Variants in EML6 observed in about 807,000 individuals in gnomAD.
The protein encoded by EML6 is EMAP like 6.
Under a neutral mutation model 240.1 loss-of-function variants are expected in EML6, and 154 were observed. That is an observed-to-expected ratio of 0.64 (90% CI 0.56 to 0.73). The LOEUF (loss-of-function observed/expected upper bound fraction) is 0.73, where lower values mean the gene tolerates loss of function less well. Ranked by LOEUF, EML6 falls within the 30% of genes least tolerant of loss-of-function variation. EML6 has a pLI of 0.00. For synonymous variants in EML6, 1,148 were observed against 899.0 expected, an observed-to-expected ratio of 1.28 and a Z score of -4.95; for missense variants, 2,964 against 2,474.6, an observed-to-expected ratio of 1.20 and a Z score of -4.20.
At chr2:54,925,019 G>T (rs1455320309) in intron 26 of EML6, among the ~76,000 whole-genome samples, 1 of 152,156 alleles carries the variant, frequency 6.6e-6, no homozygotes. Flanking sequence ...TTGAATGGTT[G>T]TGTCTTCCCA....
In EML6 at chr2:54,829,450, C is replaced by G. The variant is rs765982229; in HGVS notation, c.820C>G (p.Leu274Val). 7 of 1,551,646 alleles carry G rather than the reference C, an allele frequency of 4.5e-6. No individual in the cohort carries two copies. Among genetic ancestry groups the G allele is most frequent in the Non-Finnish European group, 6.1e-6 (7 of 1,146,656 alleles). The stretch of plus-strand genomic sequence containing the variant: ...TTTCAAACCAATAACCAAAATTGAT[C>G]TCAGGGAGACAGAACAAGGATACAA... Reference protein sequence around the residue: ...TDFKPITKIDLRETEQGYKGL... With the variant: ...TDFKPITKIDVRETEQGYKGL... Residue 274 changes from leucine (L) to valine (V), a missense_variant, in exon 7 of 42, where the codon CTC becomes GTC. Transcript: ENST00000356458.
intron 14 of EML6, chr2:54,868,197 A>C (rs979094734): frequency 6.6e-6 from 1 of 152,186 alleles, no homozygotes; most frequent in Non-Finnish European, 1.5e-5. Context: ...TATGGCAACA[A>C]ATTTTTAATT....
At chr2:54,799,353 G>A (rs148337016) in intron 2 of EML6, among the ~76,000 whole-genome samples, 2,986 of 151,874 alleles carry the variant, frequency 0.02, 63 homozygotes, top group Admixed American at 0.069. Flanking sequence ...GAGCCACCAC[G>A]CCCAGCCTTT....
At chr2:54,794,248 A>G (rs1314043227) in intron 2 of EML6, among the ~76,000 whole-genome samples, 2 of 152,180 alleles carry the variant, frequency 1.3e-5, no homozygotes, top group Non-Finnish European at 2.9e-5. Flanking sequence ...GGACTGTGCC[A>G]TTACACTCAG....
chr2:54,915,854 A>C (rs189271290), intron 25 of EML6, among the ~76,000 whole-genome samples: 315 of 152,320 alleles, frequency 2.1e-3, no homozygotes, highest in African/African-American at 7.1e-3. Flanking sequence ...TGCTTTCTCT[A>C]AAGAAACTGG....
intron 28 of EML6, among the ~76,000 whole-genome samples, chr2:54,940,879 C>T (rs1675394687): frequency 6.6e-6 from 1 of 152,206 alleles, no homozygotes; most frequent in African/African-American, 2.4e-5. Flanking sequence ...CAAAAGGAAT[C>T]AAGAAGATTC....
intron 26 of EML6, among the ~76,000 whole-genome samples, chr2:54,917,821 A>G (rs1352694750): frequency 6.6e-6 from 1 of 151,946 alleles, no homozygotes; most frequent in Non-Finnish European, 1.5e-5. Context: ...CCCATATTCG[A>G]TGGCTTACAG....
chr2:54,839,232 G>A (rs371923850), intron 7 of EML6, among the ~76,000 whole-genome samples: 1 of 152,198 alleles, frequency 6.6e-6, no homozygotes, highest in Non-Finnish European at 1.5e-5. Context: ...AGACTGTGTG[G>A]TTCTCTTTAC....
intron 7 of EML6, among the ~76,000 whole-genome samples, chr2:54,832,749 C>G (rs1229382978): frequency 1.3e-5 from 2 of 151,616 alleles, no homozygotes; most frequent in South Asian, 2.1e-4. Context: ...CCCACCCCCC[C>G]GCCAACCCCT....
At chr2:54,834,746 A>G (rs1446380512) in intron 7 of EML6, among the ~76,000 whole-genome samples, 1 of 152,232 alleles carries the variant, frequency 6.6e-6, no homozygotes, top group African/African-American at 2.4e-5. Context: ...TTAGAGGCCA[A>G]AGTTCCAGGA....
chr2:54,798,266 G>A (rs572625627), intron 2 of EML6, among the ~76,000 whole-genome samples: 4 of 152,182 alleles, frequency 2.6e-5, no homozygotes, highest in African/African-American at 7.2e-5. Context: ...TCTGCCTCCC[G>A]GGTTCAAGTG....
rs1022376009 is a variant in EML6 at position 54,954,597 on chromosome 2, C to T, written c.4486+441C>T. Among the ~76,000 whole-genome samples the T allele has an allele frequency of 2.7e-5, 4 of 147,924 alleles. No individual in the cohort carries two copies. In the East Asian group the frequency reaches 5.8e-4, roughly 21 times the overall value. On this transcript the variant is annotated intron_variant, in intron 32 of 41. Coordinates refer to ENST00000356458, the MANE Select transcript of EML6 (RefSeq NM_001039753.4). ...TCATGTTTTATCATAGTCTCAGAAA[C>T]ATTTAAATTTTTTTTTTAACATTTT...
At chr2:54,769,749 A>G (rs1256537163) in intron 2 of EML6, among the ~76,000 whole-genome samples, 1 of 152,218 alleles carries the variant, frequency 6.6e-6, no homozygotes, top group South Asian at 2.1e-4. Context: ...AACATTTCAC[A>G]TAAGATCTCT....
At chr2:54,818,643 T>A (rs1293773274) in intron 4 of EML6, among the ~76,000 whole-genome samples, 1 of 152,220 alleles carries the variant, frequency 6.6e-6, no homozygotes, top group Non-Finnish European at 1.5e-5. Context: ...ATTGAACACC[T>A]CTGGATATCA....
chr2:54,900,632 G>A (rs1673006326), intron 22 of EML6, among the ~76,000 whole-genome samples: 1 of 152,184 alleles, frequency 6.6e-6, no homozygotes, highest in Non-Finnish European at 1.5e-5. Context: ...CCCTGCGGGA[G>A]GCAGCCAGGG....
chr2:54,888,213 TATA>T (rs1478482919), intron 17 of EML6, among the ~76,000 whole-genome samples: 2 of 152,146 alleles, frequency 1.3e-5, no homozygotes, highest in African/African-American at 2.4e-5. Context: ...GATTGGATCT[TATA>T]ATGCAGTGTG....
chr2:54,787,441 C>T (rs1356192233), intron 2 of EML6, among the ~76,000 whole-genome samples: 1 of 152,196 alleles, frequency 6.6e-6, no homozygotes, highest in Non-Finnish European at 1.5e-5. Flanking sequence ...TTGGCTCTGC[C>T]ACTTACCAGC....
intron 7 of EML6, among the ~76,000 whole-genome samples, chr2:54,839,735 CCTCTCCTTGCCAGGAACCTGGCA>C (rs1261429494): frequency 1.3e-5 from 2 of 152,166 alleles, no homozygotes; most frequent in African/African-American, 2.4e-5. Context: ...ATTTCCTGGC[CCTCTCCTTGCCAGGAACCTGGCA>C]CTCTTCTGAG....
At chr2:54,956,209 G>A (rs1474301846) in intron 32 of EML6, among the ~76,000 whole-genome samples, 2 of 151,898 alleles carry the variant, frequency 1.3e-5, no homozygotes, top group Admixed American at 1.3e-4. Context: ...AATATAAACA[G>A]TGGCTTTGAA....
Sources: allele counts gnomAD v4.1 joint callset (sites outside exome capture counted in the v4.1 genomes callset), GRCh38; gene constraint gnomAD v4.1.1; transcripts MANE v1.5; gene names NCBI Gene and HGNC (gene_info 2026-07-23, HGNC 2026-07-21).